The following CSMD1 variants were observed in gnomAD, a reference collection of about 807,000 sequenced individuals.
The protein encoded by CSMD1 is CUB and sushi domain-containing protein 1.
Under a neutral mutation model 417.5 loss-of-function variants are expected in CSMD1, and 213 were observed. The observed-to-expected ratio is 0.51, with a 90% CI of 0.46 to 0.57. The LOEUF (loss-of-function observed/expected upper bound fraction) is 0.57, where lower values mean the gene tolerates loss of function less well. Ranked by LOEUF, CSMD1 falls within the 20% of genes least tolerant of loss-of-function variation. The pLI is 0.00. For synonymous variants in CSMD1, 2,862 were observed against 1,736.8 expected, an observed-to-expected ratio of 1.65 and a Z score of -16.11; for missense variants, 6,923 against 4,529.7, an observed-to-expected ratio of 1.53 and a Z score of -15.17.
intron 12 of CSMD1, among the ~76,000 whole-genome samples, 165 bp from the exon 13 acceptor site, chr8:3,409,770 T>C (rs1362087357): frequency 1.3e-5 from 2 of 152,194 alleles, no homozygotes; most frequent in Non-Finnish European, 2.9e-5. Context: ...TAATTTCAAA[T>C]ACCAGAAAAA....
chr8:4,018,483 C>G lies in CSMD1; in HGVS notation c.610+13422G>C, dbSNP rs180744132. 3.3e-5 allele frequency among the ~76,000 whole-genome samples: 5 copies of G among 152,274 alleles called. No homozygotes were observed. The East Asian group carries it at 9.7e-4, about 29-fold the overall frequency. ...AGCTGTACCTACTTTGCACAAGGAGCAGGTGGAGGAAGGGGAGGCAGCCAA... is the reference window on the plus strand; with the variant it reads ...AGCTGTACCTACTTTGCACAAGGAGGAGGTGGAGGAAGGGGAGGCAGCCAA... On this transcript the variant is annotated intron_variant, in intron 4 of 69. Coordinates refer to ENST00000635120, the MANE Select transcript of CSMD1 (RefSeq NM_033225.6).
intron 3 of CSMD1, among the ~76,000 whole-genome samples, chr8:4,080,649 C>G (rs758150895): frequency 2.0e-5 from 3 of 152,018 alleles, no homozygotes; most frequent in African/African-American, 4.8e-5. Context: ...TTTATTAGCA[C>G]GACAAGACAA....
chr8:3,130,883 C>G (rs1817758456), intron 41 of CSMD1, among the ~76,000 whole-genome samples: 1 of 152,172 alleles, frequency 6.6e-6, no homozygotes, highest in Non-Finnish European at 1.5e-5. Context: ...GTTTTTGCCT[C>G]CAGTCTCACT....
chr8:2,975,501 T>C (rs1035846735), intron 55 of CSMD1, among the ~76,000 whole-genome samples: 4 of 151,860 alleles, frequency 2.6e-5, no homozygotes, highest in African/African-American at 9.7e-5. Flanking sequence ...ACCAGAGAGG[T>C]AGATTTGAAC....
chr8:4,892,250 G>A (rs1001485708), intron 1 of CSMD1, among the ~76,000 whole-genome samples: 3 of 152,012 alleles, frequency 2.0e-5, no homozygotes, highest in Admixed American at 6.6e-5. Flanking sequence ...CTTCTAAAAT[G>A]GTAATACCAC....
At chr8:4,148,919 C>G (rs561533146) in intron 3 of CSMD1, among the ~76,000 whole-genome samples, 1 of 152,180 alleles carries the variant, frequency 6.6e-6, no homozygotes, top group East Asian at 1.9e-4. Context: ...ATCATCTGCA[C>G]TTTTCAGACT....
chr8:4,402,820 TC>T (rs374652287), intron 3 of CSMD1, among the ~76,000 whole-genome samples: 11,474 of 63,838 alleles, frequency 0.18, 75 homozygotes, highest in Non-Finnish European at 0.21. Flanking sequence ...TTTTTTTTTT[TC>T]TTTTTTTTTT....
intron 3 of CSMD1, among the ~76,000 whole-genome samples, chr8:4,172,744 C>G (rs180975413): frequency 6.6e-6 from 1 of 152,126 alleles, no homozygotes; most frequent in Non-Finnish European, 1.5e-5. Context: ...TGTAAAAAGA[C>G]TGTGGCTTCC....
chr8:3,529,416 T>C (rs556583043), intron 10 of CSMD1, among the ~76,000 whole-genome samples: 1 of 152,318 alleles, frequency 6.6e-6, no homozygotes, highest in East Asian at 1.9e-4. Context: ...GGGGGGTTGA[T>C]ACATGAGGAA....
At chr8:4,201,743 G>A (rs1006303035) in intron 3 of CSMD1, among the ~76,000 whole-genome samples, 1 of 151,900 alleles carries the variant, frequency 6.6e-6, no homozygotes, top group African/African-American at 2.4e-5. Flanking sequence ...ATGATGATTG[G>A]ATACATGGAC....
intron 3 of CSMD1, among the ~76,000 whole-genome samples, chr8:4,291,870 T>C (rs1797386563): frequency 6.6e-6 from 1 of 152,202 alleles, no homozygotes; most frequent in East Asian, 1.9e-4. Context: ...AATTAGAAGT[T>C]TCCTTTCAGG....
intron 4 of CSMD1, among the ~76,000 whole-genome samples, chr8:3,998,984 CTA>C (rs1438427931): frequency 3.4e-5 from 5 of 146,476 alleles, no homozygotes; most frequent in African/African-American, 7.4e-5. Context: ...ATAACATAAA[CTA>C]TATGATAGTT....
At chr8:3,551,114 C>G (rs1040951760) in intron 10 of CSMD1, among the ~76,000 whole-genome samples, 7 of 152,138 alleles carry the variant, frequency 4.6e-5, no homozygotes, top group Non-Finnish European at 8.8e-5. Flanking sequence ...TAGACTTGAC[C>G]TCTTTGTGAT....
intron 10 of CSMD1, among the ~76,000 whole-genome samples, chr8:3,555,950 T>C (rs546373550): frequency 1.9e-4 from 29 of 152,312 alleles, no homozygotes; most frequent in African/African-American, 5.5e-4. Flanking sequence ...TGAATAGCTC[T>C]GGTTCTCCCA....
intron 3 of CSMD1, among the ~76,000 whole-genome samples, chr8:4,081,646 A>T (rs1188018487): frequency 6.6e-6 from 1 of 152,216 alleles, no homozygotes; most frequent in Non-Finnish European, 1.5e-5. Flanking sequence ...GGACTAAAAT[A>T]GATACTATGC....
intron 3 of CSMD1, among the ~76,000 whole-genome samples, chr8:4,413,761 G>C (rs796617658): frequency 6.2e-4 from 94 of 152,002 alleles, no homozygotes; most frequent in African/African-American, 2.2e-3. Flanking sequence ...CCTGCAAATG[G>C]AGGACAAACG....
chr8:3,177,821 T>A (rs544807399), intron 37 of CSMD1, among the ~76,000 whole-genome samples: 1 of 152,278 alleles, frequency 6.6e-6, no homozygotes, highest in Non-Finnish European at 1.5e-5. Flanking sequence ...AGGTCAGGCT[T>A]TGTAATTTCC....
chr8:3,033,758 A>G (rs1431251950), intron 50 of CSMD1, among the ~76,000 whole-genome samples: 1 of 152,194 alleles, frequency 6.6e-6, no homozygotes, highest in Non-Finnish European at 1.5e-5. Context: ...CCAGAACTTA[A>G]AGTAAAATAA....
At chr8:3,665,922 G>A (rs768865080) in intron 7 of CSMD1, among the ~76,000 whole-genome samples, 3 of 152,052 alleles carry the variant, frequency 2.0e-5, no homozygotes, top group African/African-American at 4.8e-5. Flanking sequence ...CTGTCACCCA[G>A]GCTGGAGTGC....
Sources: gnomAD v4.1 joint callset for allele counts (sites outside exome capture counted in the v4.1 genomes callset) on GRCh38, gnomAD v4.1.1 for gene constraint, MANE v1.5 for transcripts, NCBI Gene and HGNC (gene_info 2026-07-23, HGNC 2026-07-21) for gene names.